The following GRM5 variants were observed in gnomAD, a reference collection of about 807,000 sequenced individuals.
GRM5 encodes glutamate metabotropic receptor 5, also known as metabotropic glutamate receptor 5.
Under a neutral mutation model 83.1 loss-of-function variants are expected in GRM5, and 19 were observed. The ratio of observed to expected loss-of-function variants is 0.23; its 90% CI spans 0.16 to 0.34. The LOEUF (loss-of-function observed/expected upper bound fraction) is 0.34, where lower values mean the gene tolerates loss of function less well. GRM5 is among the 10% of genes least tolerant of loss of function. The pLI, the probability that GRM5 is intolerant of heterozygous loss-of-function variation, is 1.00. For synonymous variants in GRM5, 675 were observed against 633.6 expected (o/e 1.07, Z -0.98); for missense variants, 1,160 against 1,588.3 (o/e 0.73, Z 4.58).
intron 3 of GRM5, among the ~76,000 whole-genome samples, chr11:88,834,411 T>A (rs1944054979): frequency 6.6e-6 from 1 of 152,356 alleles, no homozygotes; most frequent in East Asian, 1.9e-4. Flanking sequence ...CTTGTATTCA[T>A]GACTTGCTAA....
At chr11:88,536,176 C>T (rs553375615) in intron 8 of GRM5, among the ~76,000 whole-genome samples, 28 of 152,082 alleles carry the variant, frequency 1.8e-4, no homozygotes, top group South Asian at 4.1e-4. Context: ...ACTCTGAAAA[C>T]GCTTTTGTTC....
chr11:89,058,166 T>TA (rs1941915825), intron 1 of GRM5, among the ~76,000 whole-genome samples: 1 of 152,242 alleles, frequency 6.6e-6, no homozygotes, highest in Non-Finnish European at 1.5e-5. Context: ...ATTAAATTCT[T>TA]ATGTAACGTA....
intron 2 of GRM5, among the ~76,000 whole-genome samples, chr11:88,883,280 G>A (rs4543999): frequency 0.025 from 3,872 of 152,236 alleles, 173 homozygotes; most frequent in African/African-American, 0.089. Flanking sequence ...CTAAAGACTT[G>A]TTGAATGGCT....
In GRM5 at chr11:88,814,790, A is replaced by T. The variant is rs147266073; in HGVS notation, c.911+35116T>A. Among the ~76,000 whole-genome samples the T allele has an allele frequency of 2.0e-5, 3 of 152,284 alleles. No homozygotes were observed. The East Asian group carries it at 5.8e-4, about 29-fold the overall frequency. On this transcript the variant is annotated intron_variant, in intron 3 of 9. Transcript: ENST00000305447. ...CATACAGAATAGTGGGAAAAAAACA[A>T]CCAATAATGAAAAAAAATAACAAGT... is the stretch of plus-strand genomic sequence containing the variant.
In GRM5 at chr11:88,508,852, C is replaced by G. The variant is rs747989546; in HGVS notation, c.3379G>C (p.Ala1127Pro). Residue 1127 changes from alanine (A) to proline (P), a missense_variant, in exon 10 of 10, where the codon GCG (alanine) becomes CCG (proline). This residue lies in a region of GRM5 where 562 missense variants were observed against 532.4 expected (regional missense o/e 1.06). Coordinates refer to ENST00000305447, the MANE Select transcript of GRM5 (RefSeq NM_001143831.3). This position sits in a 1 kb window ranked among gnomAD's most constrained non-coding sequence, Gnocchi z 4.2. Reference protein sequence around the residue: ...PLPAIEVTGGAQPAAGAQAAG... With the variant: ...PLPAIEVTGGPQPAAGAQAAG... ...GCCTGCGCCCCTGCCGCGGGCTGCG[C>G]GCCTCCCGTGACTTCGATGGCCGGC... 36 of 1,565,570 alleles carry G rather than the reference C, an allele frequency of 2.3e-5. 1 individual carries two copies. The South Asian group carries it at 4.2e-4, about 18-fold the overall frequency.
At position 88,952,953 on chromosome 11, in the gene GRM5, G is replaced by A. The variant is rs34965781; in HGVS notation, c.661+94259C>T. On this transcript the variant is annotated intron_variant, in intron 2 of 9. Coordinates refer to ENST00000305447, the MANE Select transcript of GRM5 (RefSeq NM_001143831.3). ...AATTTAATAGTTATTATATTTGAGC[G>A]TTTGGATAATGGAGGATTTTCCCCT... Among the ~76,000 whole-genome samples, 1,468 of 152,180 alleles carry A rather than the reference G, an allele frequency of 9.6e-3. 14 individuals are homozygous for A. The highest frequency in any genetic ancestry group is 0.048 in the Middle Eastern group (14 of 294).
chr11:88,716,930 T>C (rs1195996672), intron 3 of GRM5, among the ~76,000 whole-genome samples: 1 of 152,016 alleles, frequency 6.6e-6, no homozygotes, highest in Non-Finnish European at 1.5e-5. Flanking sequence ...CACTGTTTTA[T>C]TTGGTTTGCT....
At chr11:88,555,638 GA>G (rs1263840415) in intron 8 of GRM5, among the ~76,000 whole-genome samples, 1 of 152,138 alleles carries the variant, frequency 6.6e-6, no homozygotes, top group Non-Finnish European at 1.5e-5. Flanking sequence ...TAACTCAGCA[GA>G]GGGGGAGTCA....
chr11:88,509,809 C>T (rs1216954233), intron 9 of GRM5, among the ~76,000 whole-genome samples: 1 of 152,140 alleles, frequency 6.6e-6, no homozygotes, highest in Non-Finnish European at 1.5e-5. Flanking sequence ...AGTTCTGAGC[C>T]CACCTGTGAG....
intron 2 of GRM5, among the ~76,000 whole-genome samples, chr11:88,936,623 T>C (rs1290871937): frequency 6.6e-6 from 1 of 151,814 alleles, no homozygotes; most frequent in East Asian, 1.9e-4. Flanking sequence ...AAATACTTGA[T>C]ATGAAGGATG....
intron 3 of GRM5, among the ~76,000 whole-genome samples, chr11:88,848,591 A>G (rs1234704802): frequency 2.0e-5 from 3 of 152,232 alleles, no homozygotes; most frequent in Non-Finnish European, 4.4e-5. Flanking sequence ...ATGGTACATA[A>G]TGTTTTAAAG....
chr11:88,583,323 A>G (rs994211133), intron 7 of GRM5, among the ~76,000 whole-genome samples: 1 of 152,290 alleles, frequency 6.6e-6, no homozygotes. Context: ...GTGAAGAGAC[A>G]AATGTTCCAA....
At chr11:88,849,598 AT>A (rs1354616554) in intron 3 of GRM5, among the ~76,000 whole-genome samples, 2 of 152,172 alleles carry the variant, frequency 1.3e-5, no homozygotes, top group Non-Finnish European at 2.9e-5. Flanking sequence ...AGTTTGAGTC[AT>A]GTTTACTTTC....
At chr11:88,768,710 A>G (rs1399183290) in intron 3 of GRM5, among the ~76,000 whole-genome samples, 1 of 151,938 alleles carries the variant, frequency 6.6e-6, no homozygotes, top group Admixed American at 6.6e-5. Flanking sequence ...CAAGAGAGTG[A>G]ATGGGGAGAG....
At chr11:88,604,100 T>A (rs1335214115) in intron 5 of GRM5, among the ~76,000 whole-genome samples, 1 of 152,130 alleles carries the variant, frequency 6.6e-6, no homozygotes, top group African/African-American at 2.4e-5. Context: ...TATGGTAAGT[T>A]CTGGGTACTT....
At chr11:88,824,884 C>T (rs535393942) in intron 3 of GRM5, among the ~76,000 whole-genome samples, 1 of 152,266 alleles carries the variant, frequency 6.6e-6, no homozygotes, top group South Asian at 2.1e-4. Context: ...TTCTTAACTA[C>T]CATCATCTTT....
At chr11:88,959,771 G>C (rs372826994) in intron 2 of GRM5, among the ~76,000 whole-genome samples, 16 of 152,264 alleles carry the variant, frequency 1.1e-4, no homozygotes, top group African/African-American at 3.1e-4. Context: ...GCCTAGCCAG[G>C]AAGAGGGAAA....
chr11:88,636,869 C>T (rs552288460), intron 4 of GRM5, among the ~76,000 whole-genome samples: 14 of 152,092 alleles, frequency 9.2e-5, no homozygotes, highest in Admixed American at 2.0e-4. Flanking sequence ...TGTAGATATG[C>T]GGCGTTATTT....
intron 3 of GRM5, among the ~76,000 whole-genome samples, chr11:88,765,764 T>C (rs1343767716): frequency 1.3e-5 from 2 of 151,942 alleles, no homozygotes; most frequent in African/African-American, 2.4e-5. Flanking sequence ...ATGAAAATGC[T>C]TCATGGCATT....
Sources: gnomAD v4.1 joint callset for allele counts (sites outside exome capture counted in the v4.1 genomes callset) on GRCh38, gnomAD v4.1.1 for gene constraint, gnomAD v4.1.1 regional missense constraint, Gnocchi (gnomAD v3.1) non-coding constraint, MANE v1.5 for transcripts, NCBI Gene and HGNC (gene_info 2026-07-23, HGNC 2026-07-21) for gene names.